The following CEP170 variants were observed in gnomAD, a reference collection of about 807,000 sequenced individuals.
CEP170 encodes the protein centrosomal protein 170.
A neutral mutation model predicts 151.9 loss-of-function variants in CEP170; 21 were observed. The ratio of observed to expected loss-of-function variants is 0.14; its 90% CI spans 0.10 to 0.20. The LOEUF (loss-of-function observed/expected upper bound fraction) is 0.20. Among genes scored for constraint, CEP170 ranks in the 10% least tolerant of loss-of-function variants. CEP170 has a pLI of 1.00. For missense variants in CEP170, 964 were observed against 1,892.9 expected (o/e 0.51, Z 9.11); for synonymous variants, 356 against 648.8 (o/e 0.55, Z 6.86).
intron 11 of CEP170, among the ~76,000 whole-genome samples, chr1:243,171,815 A>G (rs1232537552): frequency 2.6e-5 from 4 of 152,006 alleles, no homozygotes; most frequent in Non-Finnish European, 5.9e-5. Context: ...TGTGTAGATG[A>G]GAAAACAGAA....
intron 3 of CEP170, among the ~76,000 whole-genome samples, chr1:243,217,444 T>C (rs942965667): frequency 5.9e-5 from 9 of 152,222 alleles, no homozygotes; most frequent in African/African-American, 1.7e-4. Flanking sequence ...AAGTTTAAGA[T>C]TGCATAACTC....
rs1034880488 is a variant in CEP170 at position 243,255,272 on chromosome 1, C to T, written c.-274G>A. The T allele has an allele frequency of 3.3e-5, 5 of 152,884 alleles. No homozygotes were observed. Among genetic ancestry groups the T allele is most frequent in the African/African-American group, 1.2e-4 (5 of 41,474 alleles). 9.5% of individuals were successfully genotyped at this position (152,884 alleles called of 1,614,324 possible). ...GACCGACTGCCTAGTGCGCAGGCGC[C>T]TCGGGAAAGGGCGAGGAGCCGGACC... On this transcript the variant is annotated 5_prime_UTR_variant, in exon 1 of 20. Coordinates refer to ENST00000366542, the MANE Select transcript of CEP170 (RefSeq NM_014812.3).
intron 4 of CEP170, among the ~76,000 whole-genome samples, chr1:243,203,565 C>T (rs1231373815): frequency 3.9e-5 from 6 of 152,054 alleles, no homozygotes; most frequent in Non-Finnish European, 2.9e-5. Flanking sequence ...TGTCAGATAT[C>T]ACTGTAAACA....
intron 15 of CEP170, 158 bp from the exon 16 acceptor site, chr1:243,140,265 A>G: frequency 8.8e-7 from 1 of 1,130,418 alleles, no homozygotes; most frequent in African/African-American, 1.6e-5. Flanking sequence ...TCTTTTTATA[A>G]GCACTTCAAA....
intron 17 of CEP170, 123 bp downstream of exon 17, chr1:243,136,020 T>C: frequency 6.7e-7 from 1 of 1,496,892 alleles, no homozygotes. Context: ...TGGATAGATA[T>C]TTACTTTGGG....
intron 8 of CEP170, among the ~76,000 whole-genome samples, chr1:243,189,367 T>C (rs1299640539): frequency 2.0e-5 from 3 of 151,916 alleles, no homozygotes; most frequent in South Asian, 2.1e-4. Flanking sequence ...CCATCCTGGC[T>C]AACACGGTGA....
rs115786229 is a variant in CEP170, at chr1:243,241,001, G to A, written c.-42+14039C>T. Reference sequence around the variant, plus strand: ...AGCCACCGTGCCCAGCCAGAAGCACGAATTCAAACAACAAAGTGCTTAATA... The same window carrying A: ...AGCCACCGTGCCCAGCCAGAAGCACAAATTCAAACAACAAAGTGCTTAATA... On this transcript the variant is annotated intron_variant, in intron 1 of 19. Coordinates refer to ENST00000366542, the MANE Select transcript of CEP170 (RefSeq NM_014812.3). Among the ~76,000 whole-genome samples the A allele has an allele frequency of 8.1e-3, 1,227 of 152,154 alleles. 16 individuals carry two copies. The highest frequency in any genetic ancestry group is 0.027 in the African/African-American group (1,137 of 41,510).
chr1:243,201,532 T>C (rs1426079233), intron 4 of CEP170, among the ~76,000 whole-genome samples: 1 of 152,098 alleles, frequency 6.6e-6, no homozygotes, highest in African/African-American at 2.4e-5. Flanking sequence ...TTTCCCACCA[T>C]TACTTAACTC....
chr1:243,163,296 AATCACAC>A (rs2058207662), intron 13 of CEP170: 1 of 152,200 alleles, frequency 6.6e-6, no homozygotes, highest in Non-Finnish European at 1.5e-5. Flanking sequence ...TACTGAAAAT[AATCACAC>A]ATCTTCATGT....
intron 18 of CEP170, among the ~76,000 whole-genome samples, chr1:243,129,030 A>G (rs2054054400): frequency 6.6e-6 from 1 of 152,126 alleles, no homozygotes; most frequent in Non-Finnish European, 1.5e-5. Context: ...TAAGCATTAT[A>G]TTAAGTAAAC....
At chr1:243,196,326 T>C (rs1051968569) in intron 7 of CEP170, among the ~76,000 whole-genome samples, 12 of 152,040 alleles carry the variant, frequency 7.9e-5, no homozygotes, top group African/African-American at 1.2e-4. Context: ...TTGGGTGACT[T>C]TGACAAGTAA....
At chr1:243,201,495 T>C (rs1558573748) in intron 4 of CEP170, among the ~76,000 whole-genome samples, 1 of 152,134 alleles carries the variant, frequency 6.6e-6, no homozygotes, top group African/African-American at 2.4e-5. Flanking sequence ...ATTAAAAAGA[T>C]CTATTCACTA....
At chr1:243,169,395 T>C (rs1449568552) in intron 12 of CEP170, 1 of 648,260 alleles carries the variant, frequency 1.5e-6, no homozygotes, top group Admixed American at 3.5e-5. Flanking sequence ...AAATATACAA[T>C]ATCTAATAAA....
chr1:243,140,037 G>A lies in CEP170; in HGVS notation c.4130C>T (p.Pro1377Leu), dbSNP rs2055643180. 2 of 1,613,658 alleles carry A rather than the reference G, an allele frequency of 1.2e-6. No individual in the cohort carries two copies. The highest frequency in any genetic ancestry group is 2.7e-5 in the African/African-American group (2 of 74,868). Residue 1377 changes from proline (P) to leucine (L), a missense_variant, in exon 16 of 20, where the codon CCA (proline) becomes CTA (leucine). Transcript: ENST00000366542. ...KIPPLVHSKT[P>L]EGNNGRSGDP... ...ACCAGATCGACCGTTGTTTCCTTCT[G>A]GTGTTTTGGAATGAACTAATGGAGG...
Position 243,125,818 on chromosome 1 carries a change from G to C in CEP170, c.*631C>G. ...CACCTACCACTCCCAGCAAATCTTA[G>C]TGCAAACATAATAGTTAATTTCCGT... On this transcript the variant is annotated 3_prime_UTR_variant, in exon 20 of 20. Coordinates refer to ENST00000366542, the MANE Select transcript of CEP170 (RefSeq NM_014812.3). 1 of 260,930 alleles carries C rather than the reference G, an allele frequency of 3.8e-6. No individual in the cohort carries two copies. Among genetic ancestry groups the C allele is most frequent in the Non-Finnish European group, 7.5e-6 (1 of 132,608 alleles). The allele number at this position is 260,930 out of a possible 1,614,324, so 16.2% of individuals were successfully genotyped here.
chr1:243,209,024 C>G (rs1446020481), intron 4 of CEP170, among the ~76,000 whole-genome samples: 3 of 152,144 alleles, frequency 2.0e-5, no homozygotes, highest in Non-Finnish European at 4.4e-5. Context: ...TTTAGTACTC[C>G]TTATGAGTTT....
chr1:243,185,199 C>T lies in CEP170; in HGVS notation c.1566+580G>A, dbSNP rs2789126. Among the ~76,000 whole-genome samples the T allele has an allele frequency of 2.0e-5, 3 of 152,176 alleles. No individual in the cohort carries two copies. The highest frequency in any genetic ancestry group is 2.9e-5 in the Non-Finnish European group (2 of 68,028). The stretch of plus-strand genomic sequence containing the variant: ...ACACTTGAAATGTAGGTAACTATCA[C>T]GACTGGTCATATACGTGGTTAAACT... On this transcript the variant is annotated intron_variant, in intron 10 of 19. Transcript: ENST00000366542. This position sits in a 1 kb window ranked among gnomAD's most constrained non-coding sequence, Gnocchi z 4.9.
At chr1:243,133,156 AT>A (rs1391284405) in intron 17 of CEP170, among the ~76,000 whole-genome samples, 4 of 152,228 alleles carry the variant, frequency 2.6e-5, no homozygotes, top group Non-Finnish European at 5.9e-5. Flanking sequence ...CAGGACTTAA[AT>A]TGCATGGCAA....
intron 4 of CEP170, among the ~76,000 whole-genome samples, chr1:243,210,450 AT>A (rs931243105): frequency 6.6e-6 from 1 of 151,512 alleles, no homozygotes; most frequent in East Asian, 1.9e-4. Flanking sequence ...TGCATGAAGC[AT>A]TTTTTTTAAA....
Sources: allele counts gnomAD v4.1 joint callset (sites outside exome capture counted in the v4.1 genomes callset), GRCh38; gene constraint gnomAD v4.1.1; non-coding constraint Gnocchi (gnomAD v3.1); transcripts MANE v1.5; gene names NCBI Gene and HGNC (gene_info 2026-07-23, HGNC 2026-07-21).